SLCO3A1: variants seen among roughly 807,000 people sequenced by gnomAD.
SLCO3A1 encodes the protein PGE1 transporter.
In SLCO3A1, 27 loss-of-function variants were observed where a neutral mutation model predicts 63.1. The observed-to-expected ratio is 0.43, with a 90% CI of 0.32 to 0.59. The LOEUF is 0.59. Ranked by LOEUF, SLCO3A1 falls within the 20% of genes least tolerant of loss-of-function variation. The probability of loss-of-function intolerance (pLI) is 0.09; values close to 1 mark genes in which losing one functional copy is unlikely to be tolerated. For missense variants in SLCO3A1, 773 were observed against 945.8 expected (o/e 0.82, Z 2.40); for synonymous variants, 473 against 409.9 (o/e 1.15, Z -1.86).
chr15:91,882,491 C>T lies in SLCO3A1; in HGVS notation c.180+28403C>T, dbSNP rs1897613711. Among the ~76,000 whole-genome samples the T allele has an allele frequency of 6.6e-6, 1 of 151,964 alleles. No homozygotes were observed. Among genetic ancestry groups the T allele is most frequent in the Non-Finnish European group, 1.5e-5 (1 of 67,988 alleles). ...ACGGTATAGATTTGGGGGCCTCCACCCCCACCCCACCCCCACTATGTATGA... is the reference window on the plus strand; with the variant it reads ...ACGGTATAGATTTGGGGGCCTCCACTCCCACCCCACCCCCACTATGTATGA... On this transcript the variant is annotated intron_variant, in intron 1 of 9. Transcript: ENST00000318445. This position sits in a 1 kb window ranked among gnomAD's most constrained non-coding sequence, Gnocchi z 4.4.
intron 7 of SLCO3A1, among the ~76,000 whole-genome samples, chr15:92,145,294 G>A (rs985446614): frequency 6.6e-6 from 1 of 152,228 alleles, no homozygotes; most frequent in Admixed American, 6.5e-5. Flanking sequence ...TGCTGGGGAG[G>A]AGTGGGCAGT....
At chr15:92,157,624 G>A (rs1411610634) in intron 9 of SLCO3A1, among the ~76,000 whole-genome samples, 2 of 151,906 alleles carry the variant, frequency 1.3e-5, no homozygotes, top group African/African-American at 4.8e-5. Context: ...CCGGGTACAT[G>A]TACAGAATTC....
intron 2 of SLCO3A1, among the ~76,000 whole-genome samples, chr15:91,945,703 T>C (rs1437342196): frequency 1.3e-5 from 2 of 152,202 alleles, no homozygotes; most frequent in Middle Eastern, 3.2e-3. Context: ...TTTCTGAGTG[T>C]AATGGGAATC....
Position 92,104,380 on chromosome 15 carries a change from T to C in SLCO3A1, c.847T>C (p.Phe283Leu). The change falls in exon 4 of 10, where the codon TTT becomes CTT. Residue 283 changes from phenylalanine to leucine, a missense_variant. By Grantham distance (22) the Phe-to-Leu change is conservative (BLOSUM62 0). Coordinates refer to ENST00000318445, the MANE Select transcript of SLCO3A1 (RefSeq NM_013272.4). The stretch of plus-strand genomic sequence containing the variant: ...ACTCTTCTTCTCTTCCCTCTTGATG[T>C]TTGGGTTTCCACAGTCCCTGCCCCC... ...ALLFFSSLLM[F>L]GFPQSLPPHS... 1 of 1,614,158 alleles carries C rather than the reference T, an allele frequency of 6.2e-7. No homozygotes were observed. Among genetic ancestry groups the C allele is most frequent in the Non-Finnish European group, 8.5e-7 (1 of 1,180,014 alleles).
At chr15:91,978,689 A>C (rs1901214578) in intron 2 of SLCO3A1, among the ~76,000 whole-genome samples, 1 of 152,186 alleles carries the variant, frequency 6.6e-6, no homozygotes, top group Non-Finnish European at 1.5e-5. Flanking sequence ...CCTTTTTATT[A>C]TATGTTAATG....
rs186883819 is a variant in SLCO3A1 at position 92,098,446 on chromosome 15, A to G, written c.745+3467A>G. ...CCTCCCCTGAGAGCTGGGGGAGGAA[A>G]TGATGGTGCCTCCAGAATTTCTTTT... On this transcript the variant is annotated intron_variant, in intron 3 of 9. Transcript: ENST00000318445. Among the ~76,000 whole-genome samples, 133 of 152,328 alleles carry G rather than the reference A, an allele frequency of 8.7e-4. 1 individual carries two copies. Among genetic ancestry groups the G allele is most frequent in the South Asian group, 4.4e-3 (21 of 4,820 alleles).
At position 92,008,599 on chromosome 15, in the gene SLCO3A1, G is replaced by A. The variant is rs76919903; in HGVS notation, c.647-86282G>A. On this transcript the variant is annotated intron_variant, in intron 2 of 9. Coordinates refer to ENST00000318445, the MANE Select transcript of SLCO3A1 (RefSeq NM_013272.4). Reference sequence around the variant, plus strand: ...CTAGATTCATTTTTACAGGTTTTGGGGAGTCAACATTGACACTGAAATCAT... The same window carrying A: ...CTAGATTCATTTTTACAGGTTTTGGAGAGTCAACATTGACACTGAAATCAT... Among the ~76,000 whole-genome samples the A allele has an allele frequency of 3.3e-3, 509 of 152,212 alleles. 4 individuals carry two copies. The highest frequency in any genetic ancestry group is 0.011 in the African/African-American group (473 of 41,524).
chr15:92,016,204 T>TATAGATACATAGATAGATAG (rs58884056), intron 2 of SLCO3A1, among the ~76,000 whole-genome samples: 53 of 120,204 alleles, frequency 4.4e-4, no homozygotes, highest in Admixed American at 9.6e-4. Flanking sequence ...TATATATTTA[T>TATAGATACATAGATAGATAG]ATAGATAGAT....
In SLCO3A1 at chr15:91,968,747, C is replaced by A. The variant is rs1354428789; in HGVS notation, c.646+52289C>A. Among the ~76,000 whole-genome samples, 7 of 152,238 alleles carry A rather than the reference C, an allele frequency of 4.6e-5. No homozygotes were observed. The highest frequency in any genetic ancestry group is 1.0e-4 in the Non-Finnish European group (7 of 68,044). ...TCACACAGCCGCAGTATTTACGGCA[C>A]TCACGACGTGTCCAGCTTCTTTGTG... On this transcript the variant is annotated intron_variant, in intron 2 of 9. Transcript: ENST00000318445. The surrounding 1 kb of genome is among the most constrained non-coding windows in gnomAD (Gnocchi z 4.2).
chr15:91,863,260 C>G lies in SLCO3A1; in HGVS notation c.180+9172C>G, dbSNP rs1897089993. Among the ~76,000 whole-genome samples, 1 of 152,248 alleles carries G rather than the reference C, an allele frequency of 6.6e-6. No individual in the cohort carries two copies. The highest frequency in any genetic ancestry group is 2.4e-5 in the African/African-American group (1 of 41,470). Reference sequence around the variant, plus strand: ...CACAGAGCCACCTAGAGCTGTCCCCCTGGAACTCAGCTGGCTGTGCTGTCA... The same window carrying G: ...CACAGAGCCACCTAGAGCTGTCCCCGTGGAACTCAGCTGGCTGTGCTGTCA... On this transcript the variant is annotated intron_variant, in intron 1 of 9. Coordinates refer to ENST00000318445, the MANE Select transcript of SLCO3A1 (RefSeq NM_013272.4). The surrounding 1 kb of genome is among the most constrained non-coding windows in gnomAD (Gnocchi z 4.3).
At chr15:91,965,422 A>G (rs1488133445) in intron 2 of SLCO3A1, among the ~76,000 whole-genome samples, 1 of 152,232 alleles carries the variant, frequency 6.6e-6, no homozygotes, top group Non-Finnish European at 1.5e-5. Context: ...TGACAGGTCC[A>G]AATAAATATC....
In SLCO3A1 at chr15:91,899,399, T is replaced by C. The variant is rs539947909; in HGVS notation, c.181-16594T>C. Among the ~76,000 whole-genome samples the C allele has an allele frequency of 2.6e-5, 4 of 152,304 alleles. No homozygotes were observed. In the South Asian group the frequency reaches 8.3e-4, roughly 32 times the overall value. ...GCCTTTTCCACTTTGATGCATTTGC[T>C]TATTGAGTGGTCTCTACTTGGAGTT... On this transcript the variant is annotated intron_variant, in intron 1 of 9. Coordinates refer to ENST00000318445, the MANE Select transcript of SLCO3A1 (RefSeq NM_013272.4).
At chr15:92,085,982 A>C (rs1000362532) in intron 2 of SLCO3A1, among the ~76,000 whole-genome samples, 8 of 152,226 alleles carry the variant, frequency 5.3e-5, no homozygotes, top group African/African-American at 1.9e-4. Context: ...TTTGCTGTAG[A>C]GTAACTCCAG....
chr15:92,043,779 A>G (rs917569424), intron 2 of SLCO3A1, among the ~76,000 whole-genome samples: 10 of 152,182 alleles, frequency 6.6e-5, no homozygotes, highest in Non-Finnish European at 1.3e-4. Context: ...ACATGAGTTA[A>G]TTCATTCAGT....
intron 1 of SLCO3A1, among the ~76,000 whole-genome samples, chr15:91,909,449 C>A (rs1437153447): frequency 6.6e-6 from 1 of 152,168 alleles, no homozygotes; most frequent in Non-Finnish European, 1.5e-5. Context: ...AGAAAGTATG[C>A]CAGACCCTGT....
chr15:91,956,477 G>A (rs544598889), intron 2 of SLCO3A1, among the ~76,000 whole-genome samples: 1 of 152,130 alleles, frequency 6.6e-6, no homozygotes, highest in Non-Finnish European at 1.5e-5. Context: ...AAGAGAAGCA[G>A]TTTGCAAAAG....
chr15:92,004,935 T>G (rs1362086908), intron 2 of SLCO3A1, among the ~76,000 whole-genome samples: 2 of 152,344 alleles, frequency 1.3e-5, no homozygotes, highest in African/African-American at 4.8e-5. Context: ...TCTGAAAGCC[T>G]CATCATTTCC....
chr15:92,016,188 G>C (rs1275106630), intron 2 of SLCO3A1, among the ~76,000 whole-genome samples: 2 of 137,916 alleles, frequency 1.5e-5, no homozygotes, highest in African/African-American at 5.3e-5. Flanking sequence ...TTGCAGATTT[G>C]TTGTATATAT....
At chr15:91,970,792 C>G (rs1014330844) in intron 2 of SLCO3A1, among the ~76,000 whole-genome samples, 2 of 152,118 alleles carry the variant, frequency 1.3e-5, no homozygotes, top group Admixed American at 1.3e-4. Context: ...GCAGTCTTCT[C>G]AGGCTAGAAG....
Sources: allele counts gnomAD v4.1 joint callset (sites outside exome capture counted in the v4.1 genomes callset), GRCh38; gene constraint gnomAD v4.1.1; non-coding constraint Gnocchi (gnomAD v3.1); transcripts MANE v1.5; gene names NCBI Gene and HGNC (gene_info 2026-07-23, HGNC 2026-07-21).